The following ROBO2 variants were observed in gnomAD, a reference collection of about 807,000 sequenced individuals.
ROBO2 encodes roundabout guidance receptor 2, also known as roundabout homolog 2.
In ROBO2, 53 loss-of-function variants were observed where a neutral mutation model predicts 160.8. The observed-to-expected ratio is 0.33, with a 90% CI of 0.26 to 0.41. The LOEUF is 0.41. Among genes scored for constraint, ROBO2 ranks in the 10% least tolerant of loss-of-function variants. The probability of loss-of-function intolerance (pLI) is 1.00; values close to 1 mark genes in which losing one functional copy is unlikely to be tolerated. For missense variants in ROBO2, 1,577 were observed against 1,722.4 expected (o/e 0.92, Z 1.49); for synonymous variants, 664 against 611.7 (o/e 1.09, Z -1.26).
chr3:76,441,232 A>G (rs914601947), intron 2 of ROBO2, among the ~76,000 whole-genome samples: 4 of 152,172 alleles, frequency 2.6e-5, no homozygotes, highest in African/African-American at 7.2e-5. Flanking sequence ...TGGATAGAGA[A>G]AAGTTATCGA....
intron 2 of ROBO2, among the ~76,000 whole-genome samples, chr3:76,696,033 A>G (rs1242921459): frequency 6.6e-6 from 1 of 152,166 alleles, no homozygotes; most frequent in Non-Finnish European, 1.5e-5. Context: ...GGTGAACTGT[A>G]GTTTTTAAAA....
At chr3:77,375,201 G>A (rs1366436826) in intron 2 of ROBO2, among the ~76,000 whole-genome samples, 1 of 152,254 alleles carries the variant, frequency 6.6e-6, no homozygotes, top group African/African-American at 2.4e-5. Flanking sequence ...AACAGAGCAA[G>A]ACCTTGTCTC....
chr3:76,869,654 T>C (rs1468492868), intron 2 of ROBO2, among the ~76,000 whole-genome samples: 2 of 152,072 alleles, frequency 1.3e-5, no homozygotes, highest in African/African-American at 4.8e-5. Flanking sequence ...CGGCCGATCT[T>C]TTTTTAGTAT....
intron 2 of ROBO2, among the ~76,000 whole-genome samples, chr3:76,830,843 G>A (rs1018526332): frequency 2.7e-5 from 4 of 148,914 alleles, no homozygotes; most frequent in Non-Finnish European, 4.5e-5. Flanking sequence ...CTTTTAATTA[G>A]CAGGGGATGG....
intron 2 of ROBO2, among the ~76,000 whole-genome samples, chr3:77,130,387 A>C (rs994775377): frequency 6.6e-6 from 1 of 152,204 alleles, no homozygotes; most frequent in Non-Finnish European, 1.5e-5. Flanking sequence ...TTTTTGTCTA[A>C]CTTCATTTCC....
At chr3:77,076,550 C>A (rs1057416863) in intron 1 of ROBO2, among the ~76,000 whole-genome samples, 1 of 151,926 alleles carries the variant, frequency 6.6e-6, no homozygotes, top group South Asian at 2.1e-4. Context: ...ATTTTTCTCT[C>A]ATTTTAAGCT....
chr3:75,988,315 A>G (rs887191036), intron 2 of ROBO2, among the ~76,000 whole-genome samples: 1 of 152,108 alleles, frequency 6.6e-6, no homozygotes. Flanking sequence ...AACTTTTGAC[A>G]TATAATTGTT....
At chr3:76,013,677 T>C (rs2066285530) in intron 2 of ROBO2, among the ~76,000 whole-genome samples, 2 of 151,194 alleles carry the variant, frequency 1.3e-5, no homozygotes, top group South Asian at 4.2e-4. Flanking sequence ...GTAATATGTA[T>C]AAAGGCAATT....
chr3:76,307,251 T>C (rs2071376165), intron 2 of ROBO2, among the ~76,000 whole-genome samples: 1 of 152,198 alleles, frequency 6.6e-6, no homozygotes, highest in Non-Finnish European at 1.5e-5. Context: ...CATTATTTGA[T>C]ACTTAGTGGA....
At chr3:76,678,133 G>C (rs1311590178) in intron 2 of ROBO2, among the ~76,000 whole-genome samples, 1 of 151,488 alleles carries the variant, frequency 6.6e-6, no homozygotes, top group African/African-American at 2.4e-5. Flanking sequence ...ACCACGCCCG[G>C]CTAATTTTTG....
At chr3:76,378,779 G>A (rs2076475095) in intron 2 of ROBO2, among the ~76,000 whole-genome samples, 1 of 152,060 alleles carries the variant, frequency 6.6e-6, no homozygotes. Flanking sequence ...AATGGTAGGA[G>A]GTATTTCAAA....
At chr3:77,347,319 C>A (rs561842708) in intron 2 of ROBO2, among the ~76,000 whole-genome samples, 2 of 152,012 alleles carry the variant, frequency 1.3e-5, no homozygotes, top group Non-Finnish European at 2.9e-5. Flanking sequence ...AAATACCTCG[C>A]GTTCCAGACC....
intron 24 of ROBO2, 22 bp downstream of exon 26, chr3:77,642,965 G>C (rs527716739): frequency 2.2e-6 from 1 of 455,488 alleles, no homozygotes; most frequent in Admixed American, 2.4e-5. Context: ...ACAGTCCCAA[G>C]AAAGTGTGGA....
At chr3:76,842,878 T>C (rs1266260875) in intron 2 of ROBO2, among the ~76,000 whole-genome samples, 1 of 152,024 alleles carries the variant, frequency 6.6e-6, no homozygotes, top group East Asian at 1.9e-4. Flanking sequence ...CATGAATGAG[T>C]TATTATTCCT....
intron 1 of ROBO2, among the ~76,000 whole-genome samples, chr3:77,063,776 A>G (rs1025129836): frequency 4.6e-5 from 7 of 152,170 alleles, no homozygotes; most frequent in Admixed American, 1.3e-4. Flanking sequence ...CTCTCTGCCT[A>G]TTCTAGACTC....
chr3:76,289,528 C>T (rs1708699659), intron 2 of ROBO2, among the ~76,000 whole-genome samples: 1 of 152,088 alleles, frequency 6.6e-6, no homozygotes, highest in African/African-American at 2.4e-5. Flanking sequence ...GTTTTCTTTG[C>T]AATTGCTTTT....
chr3:77,604,493 T>C (rs2094489832), intron 20 of ROBO2, among the ~76,000 whole-genome samples: 1 of 152,188 alleles, frequency 6.6e-6, no homozygotes, highest in South Asian at 2.1e-4. Flanking sequence ...TGAGTAACTG[T>C]AAGCAGAACA....
At chr3:77,081,777 T>G (rs559264799) in intron 1 of ROBO2, among the ~76,000 whole-genome samples, 3 of 152,184 alleles carry the variant, frequency 2.0e-5, no homozygotes, top group Non-Finnish European at 4.4e-5. Context: ...TAAATGGAGA[T>G]GTAGACACAG....
intron 2 of ROBO2, among the ~76,000 whole-genome samples, chr3:76,506,231 G>T (rs181177415): frequency 6.6e-6 from 1 of 152,230 alleles, no homozygotes; most frequent in Admixed American, 6.5e-5. Flanking sequence ...ATACACCATA[G>T]AAATTTATTA....
Sources: allele counts gnomAD v4.1 joint callset (sites outside exome capture counted in the v4.1 genomes callset), GRCh38; gene constraint gnomAD v4.1.1; transcripts MANE v1.5; gene names NCBI Gene and HGNC (gene_info 2026-07-23, HGNC 2026-07-21).